DLG2: variants seen among roughly 807,000 people sequenced by gnomAD.
DLG2 encodes the protein discs large MAGUK scaffold protein 2.
Under a neutral mutation model 132.5 loss-of-function variants are expected in DLG2, and 45 were observed. The ratio of observed to expected loss-of-function variants is 0.34; its 90% CI spans 0.27 to 0.44. The LOEUF (loss-of-function observed/expected upper bound fraction) is 0.44. Ranked by LOEUF, DLG2 falls within the 20% of genes least tolerant of loss-of-function variation. DLG2 has a pLI of 1.00. For missense variants in DLG2, 1,045 were observed against 1,196.9 expected (o/e 0.87, Z 1.87); for synonymous variants, 424 against 419.6 (o/e 1.01, Z -0.13).
intron 6 of DLG2, among the ~76,000 whole-genome samples, chr11:84,743,799 A>G (rs1315551638): frequency 6.6e-6 from 1 of 151,768 alleles, no homozygotes; most frequent in African/African-American, 2.4e-5. Context: ...ATCTTGGCTC[A>G]CTGCAACCTC....
At chr11:84,047,259 T>A (rs1252572544) in intron 11 of DLG2, among the ~76,000 whole-genome samples, 1 of 151,696 alleles carries the variant, frequency 6.6e-6, no homozygotes, top group African/African-American at 2.4e-5. Flanking sequence ...AAAATATTTA[T>A]TGAGTGAATA....
chr11:83,685,434 C>T (rs1005449955), intron 18 of DLG2, among the ~76,000 whole-genome samples: 1 of 152,082 alleles, frequency 6.6e-6, no homozygotes, highest in Non-Finnish European at 1.5e-5. Context: ...TCAACCATTC[C>T]CAGCATTTGG....
chr11:85,572,163 T>C lies in DLG2; in HGVS notation c.40+26494A>G, dbSNP rs564154083. Among the ~76,000 whole-genome samples the C allele has an allele frequency of 8.5e-5, 13 of 152,314 alleles. No homozygotes were observed. In the South Asian group the frequency reaches 2.7e-3, roughly 32 times the overall value. ...GTTTTGGCCAGTTTTTTATTTGCTTTTATGGAGGGGTGAACTTTTAAAAGT... is the reference window on the plus strand; with the variant it reads ...GTTTTGGCCAGTTTTTTATTTGCTTCTATGGAGGGGTGAACTTTTAAAAGT... On this transcript the variant is annotated intron_variant, in intron 3 of 27. Transcript: ENST00000376104.
At chr11:84,706,746 C>T (rs2059823198) in intron 6 of DLG2, among the ~76,000 whole-genome samples, 1 of 151,560 alleles carries the variant, frequency 6.6e-6, no homozygotes, top group South Asian at 2.1e-4. Context: ...GGAGGGACTT[C>T]TATAAATCTA....
chr11:84,351,503 C>A (rs2098570825), intron 7 of DLG2, among the ~76,000 whole-genome samples: 1 of 152,148 alleles, frequency 6.6e-6, no homozygotes, highest in Non-Finnish European at 1.5e-5. Context: ...TAATTAATCT[C>A]TCTGAACTTT....
At chr11:85,423,979 C>T (rs879857924) in intron 3 of DLG2, among the ~76,000 whole-genome samples, 10 of 152,182 alleles carry the variant, frequency 6.6e-5, no homozygotes, top group Non-Finnish European at 1.3e-4. Flanking sequence ...TTACAAAGTT[C>T]AGCTAGAGAT....
intron 7 of DLG2, among the ~76,000 whole-genome samples, chr11:84,251,829 C>T (rs1008498269): frequency 4.0e-5 from 6 of 151,640 alleles, no homozygotes; most frequent in South Asian, 2.1e-4. Flanking sequence ...TTAGTAGAGA[C>T]GGGGTTTCCC....
At chr11:83,496,955 G>A (rs10792684) in intron 21 of DLG2, among the ~76,000 whole-genome samples, 53,258 of 151,982 alleles carry the variant, frequency 0.35, 9,406 homozygotes, top group Middle Eastern at 0.46. Flanking sequence ...CATTTTTAAG[G>A]TTATGCTTAG....
chr11:83,499,019 C>T (rs550336211), intron 21 of DLG2, among the ~76,000 whole-genome samples: 16 of 151,950 alleles, frequency 1.1e-4, no homozygotes, highest in Admixed American at 2.0e-4. Flanking sequence ...AAAATTAAAA[C>T]GCAGAATAGA....
intron 14 of DLG2, among the ~76,000 whole-genome samples, chr11:83,944,524 C>T (rs367797027): frequency 6.6e-6 from 1 of 152,094 alleles, no homozygotes; most frequent in African/African-American, 2.4e-5. Flanking sequence ...CCCAGTATAG[C>T]CGATGGAAGT....
intron 7 of DLG2, among the ~76,000 whole-genome samples, chr11:84,511,633 C>T (rs1257046233): frequency 6.6e-6 from 1 of 152,146 alleles, no homozygotes; most frequent in Non-Finnish European, 1.5e-5. Context: ...AAATAATCCA[C>T]TGCTTATTTG....
At chr11:85,289,076 C>T (rs1010915799) in intron 3 of DLG2, among the ~76,000 whole-genome samples, 1 of 152,066 alleles carries the variant, frequency 6.6e-6, no homozygotes, top group South Asian at 2.1e-4. Flanking sequence ...TTCTATTTCA[C>T]TCTTTTGTCT....
intron 17 of DLG2, among the ~76,000 whole-genome samples, chr11:83,824,504 A>C (rs2051896862): frequency 6.6e-6 from 1 of 152,190 alleles, no homozygotes; most frequent in Non-Finnish European, 1.5e-5. Context: ...ACTTCCGTCA[A>C]ATAAAATACT....
At chr11:84,218,392 G>GGGAC (rs1373454629) in intron 8 of DLG2, among the ~76,000 whole-genome samples, 1 of 147,140 alleles carries the variant, frequency 6.8e-6, no homozygotes, top group African/African-American at 2.5e-5. Flanking sequence ...GAGGGAGGGA[G>GGGAC]GGAGGGAGGA....
intron 6 of DLG2, among the ~76,000 whole-genome samples, chr11:84,739,649 A>C (rs1459083449): frequency 6.6e-6 from 1 of 152,216 alleles, no homozygotes; most frequent in East Asian, 1.9e-4. Flanking sequence ...GAAACATAAA[A>C]CTACCTGGCT....
At chr11:84,125,789 T>C (rs1323118399) in intron 9 of DLG2, among the ~76,000 whole-genome samples, 1 of 152,260 alleles carries the variant, frequency 6.6e-6, no homozygotes, top group African/African-American at 2.4e-5. Flanking sequence ...ATGTGAAGAT[T>C]TGTTGACATT....
chr11:85,121,602 A>T (rs745807219), intron 5 of DLG2, among the ~76,000 whole-genome samples: 1 of 152,042 alleles, frequency 6.6e-6, no homozygotes, highest in Non-Finnish European at 1.5e-5. Context: ...TATGATCATG[A>T]TAATTTGGTT....
intron 3 of DLG2, among the ~76,000 whole-genome samples, chr11:85,548,862 G>A (rs1336463235): frequency 1.3e-5 from 2 of 152,160 alleles, no homozygotes; most frequent in African/African-American, 2.4e-5. Flanking sequence ...AGCATCGCGG[G>A]TCAAGCTCAG....
Position 84,440,003 on chromosome 11 carries a change from T to C in DLG2, c.519+94567A>G, listed in dbSNP as rs146334520. Among the ~76,000 whole-genome samples the C allele has an allele frequency of 2.7e-3, 409 of 152,320 alleles. 4 individuals carry two copies. The highest frequency in any genetic ancestry group is 9.6e-3 in the African/African-American group (400 of 41,580). On this transcript the variant is annotated intron_variant, in intron 7 of 27. Coordinates refer to ENST00000376104, the MANE Select transcript of DLG2 (RefSeq NM_001142699.3). ...ATCTTTCTATAATTTTTGCATTCTCTTCATGAGTTAAAACTTCATGGATCA... is the reference window on the plus strand; with the variant it reads ...ATCTTTCTATAATTTTTGCATTCTCCTCATGAGTTAAAACTTCATGGATCA...
Sources: allele counts gnomAD v4.1 joint callset (sites outside exome capture counted in the v4.1 genomes callset), GRCh38; gene constraint gnomAD v4.1.1; transcripts MANE v1.5; gene names NCBI Gene and HGNC (gene_info 2026-07-23, HGNC 2026-07-21).